Variants in FTO observed in about 807,000 individuals in gnomAD.
FTO encodes FTO alpha-ketoglutarate dependent dioxygenase.
In FTO, 47 loss-of-function variants were observed where a neutral mutation model predicts 63.9. The observed-to-expected ratio is 0.74, with a 90% CI of 0.58 to 0.94. FTO has a LOEUF of 0.94. FTO is among the 40% of genes least tolerant of loss of function. The pLI is 0.00. For synonymous variants in FTO, 207 were observed against 224.4 expected (o/e 0.92, Z 0.69); for missense variants, 562 against 618.1 (o/e 0.91, Z 0.96).
intron 2 of FTO, among the ~76,000 whole-genome samples, chr16:53,825,647 A>G (rs531956883): frequency 1.1e-4 from 17 of 152,294 alleles, no homozygotes; most frequent in African/African-American, 4.1e-4. Flanking sequence ...ATTGTTAGTA[A>G]TTTGAGCTTG....
At chr16:53,914,818 C>T (rs2081820110) in intron 7 of FTO, among the ~76,000 whole-genome samples, 1 of 152,192 alleles carries the variant, frequency 6.6e-6, no homozygotes, top group Admixed American at 6.5e-5. Flanking sequence ...AATTGTGTTT[C>T]CTTTCTCTAA....
intron 8 of FTO, among the ~76,000 whole-genome samples, chr16:53,962,504 C>T (rs2083104999): frequency 1.3e-5 from 2 of 152,124 alleles, no homozygotes; most frequent in Admixed American, 1.3e-4. Flanking sequence ...ATGTGAGAGG[C>T]CTGAACGTCG....
intron 8 of FTO, among the ~76,000 whole-genome samples, chr16:54,002,479 G>A (rs1256808679): frequency 6.6e-6 from 1 of 152,242 alleles, no homozygotes; most frequent in East Asian, 1.9e-4. Context: ...GTGTTGGGAA[G>A]TGTTTGCAGG....
chr16:53,994,696 C>T (rs2083894712), intron 8 of FTO, among the ~76,000 whole-genome samples: 2 of 151,910 alleles, frequency 1.3e-5, no homozygotes, highest in Admixed American at 6.6e-5. Context: ...TCATAGTCTC[C>T]AAAATTGTGC....
intron 8 of FTO, among the ~76,000 whole-genome samples, chr16:54,108,032 G>A (rs562668026): frequency 6.6e-6 from 1 of 152,304 alleles, no homozygotes; most frequent in African/African-American, 2.4e-5. Context: ...GGCTGTAGAG[G>A]TGGAGCTAGT....
intron 3 of FTO, among the ~76,000 whole-genome samples, chr16:53,833,883 CAT>C (rs1232470763): frequency 6.6e-6 from 1 of 152,112 alleles, no homozygotes; most frequent in Non-Finnish European, 1.5e-5. Context: ...TCTTTGGAGA[CAT>C]GTCTATTCAA....
At chr16:53,885,233 G>T (rs1397156678) in intron 6 of FTO, among the ~76,000 whole-genome samples, 11 of 152,174 alleles carry the variant, frequency 7.2e-5, no homozygotes, top group African/African-American at 2.7e-4. Context: ...AATCAAGCAG[G>T]TGGAGATTTT....
intron 8 of FTO, among the ~76,000 whole-genome samples, chr16:54,091,048 C>G (rs1252462866): frequency 2.6e-5 from 4 of 152,234 alleles, no homozygotes; most frequent in Admixed American, 2.6e-4. Flanking sequence ...GTCACCTGTG[C>G]CGTGATCTGT....
At chr16:53,979,590 C>T (rs2083499067) in intron 8 of FTO, 1 of 388,482 alleles carries the variant, frequency 2.6e-6, no homozygotes. Context: ...AATTTCTTGT[C>T]CTCTACATTT....
chr16:53,736,755 G>A (rs1439111526), intron 1 of FTO, among the ~76,000 whole-genome samples: 2 of 152,070 alleles, frequency 1.3e-5, no homozygotes, highest in African/African-American at 4.8e-5. Flanking sequence ...TTGGCTGTAG[G>A]ATAAAAGGCC....
At chr16:54,073,165 A>C (rs1441631625) in intron 8 of FTO, among the ~76,000 whole-genome samples, 1 of 152,116 alleles carries the variant, frequency 6.6e-6, no homozygotes, top group Non-Finnish European at 1.5e-5. Context: ...GTCCCTATTC[A>C]AGCATTCTCT....
intron 8 of FTO, among the ~76,000 whole-genome samples, chr16:53,958,017 T>A (rs943736647): frequency 6.6e-6 from 1 of 152,236 alleles, no homozygotes; most frequent in Non-Finnish European, 1.5e-5. Context: ...TTATATTATT[T>A]ATAGTGAACA....
intron 1 of FTO, among the ~76,000 whole-genome samples, chr16:53,786,616 G>C (rs2077746689): frequency 6.6e-6 from 1 of 152,192 alleles, no homozygotes; most frequent in African/African-American, 2.4e-5. Context: ...TGTGAATTTT[G>C]TGATGCACTT....
chr16:54,072,611 A>T (rs1361344006), intron 8 of FTO: 1 of 152,278 alleles, frequency 6.6e-6, no homozygotes, highest in African/African-American at 2.4e-5. Context: ...TGAATTTGAA[A>T]ATCTTGAGCT....
chr16:54,024,639 T>C (rs796444459), intron 8 of FTO, among the ~76,000 whole-genome samples: 3 of 152,200 alleles, frequency 2.0e-5, no homozygotes, highest in South Asian at 2.1e-4. Context: ...CTACATGGCA[T>C]TGGGCAAATT....
At chr16:53,704,100 C>A, upstream of FTO, 1 of 1,323,160 alleles carries the variant, frequency 7.6e-7, no homozygotes, top group Non-Finnish European at 1.1e-6. Flanking sequence ...GGGAGCAGGA[C>A]GCTGAGAGAA....
chr16:53,779,255 A>G (rs912222732), intron 1 of FTO, among the ~76,000 whole-genome samples: 14 of 152,132 alleles, frequency 9.2e-5, no homozygotes, highest in African/African-American at 3.4e-4. Flanking sequence ...TTCTTTTTTT[A>G]ACTTCTTGGG....
intron 1 of FTO, among the ~76,000 whole-genome samples, chr16:53,751,205 C>G (rs556341992): frequency 6.6e-6 from 1 of 151,996 alleles, no homozygotes; most frequent in Admixed American, 6.5e-5. Context: ...CTCAGGAGTT[C>G]GAGACCAGCC....
chr16:53,997,164 A>C (rs1237167219), intron 8 of FTO, among the ~76,000 whole-genome samples: 1 of 149,614 alleles, frequency 6.7e-6, no homozygotes, highest in Non-Finnish European at 1.5e-5. Context: ...GAGAGAGAGA[A>C]AAGAGAGAGG....
Sources: gnomAD v4.1 joint callset for allele counts (sites outside exome capture counted in the v4.1 genomes callset) on GRCh38, gnomAD v4.1.1 for gene constraint, MANE v1.5 for transcripts, NCBI Gene and HGNC (gene_info 2026-07-23, HGNC 2026-07-21) for gene names.